The following GLYATL2 variants were observed in gnomAD, a reference collection of about 807,000 sequenced individuals.
GLYATL2 encodes glycine-N-acyltransferase like 2, also known as glycine N-acyltransferase-like protein 2.
A neutral mutation model predicts 21.4 loss-of-function variants in GLYATL2; 25 were observed. The ratio of observed to expected loss-of-function variants is 1.17; its 90% CI spans 0.85 to 1.63. The LOEUF is 1.63. Among genes scored for constraint, GLYATL2 ranks in the 40% most tolerant of loss-of-function variants. The pLI is 0.00. For missense variants in GLYATL2, 361 were observed against 343.3 expected, an observed-to-expected ratio of 1.05 and a Z score of -0.41; for synonymous variants, 114 against 118.2, an observed-to-expected ratio of 0.96 and a Z score of 0.23.
In GLYATL2 at chr11:58,834,390, T is replaced by C; in HGVS notation, c.*39A>G. On this transcript the variant is annotated 3_prime_UTR_variant, in exon 6 of 6. Transcript: ENST00000287275. ...TGCTTGTGTTTGAATTAATGTTTTT[T>C]TACTGATAAGAAAGATTTGAAATGG... 1 of 1,499,160 alleles carries C rather than the reference T, an allele frequency of 6.7e-7. No homozygotes were observed. The allele number at this position is 1,499,160 out of a possible 1,614,324, so 92.9% of individuals were successfully genotyped here.
At chr11:58,863,073 C>T (rs1196543384) in intron 1 of GLYATL2, among the ~76,000 whole-genome samples, 1 of 152,106 alleles carries the variant, frequency 6.6e-6, no homozygotes, top group Non-Finnish European at 1.5e-5. Flanking sequence ...TGGTGGTAGG[C>T]TTGGTTCCTG....
At chr11:58,869,193 C>A (rs592308) in intron 1 of GLYATL2, among the ~76,000 whole-genome samples, 134,851 of 152,278 alleles carry the variant, frequency 0.89, 60,916 homozygotes, top group Non-Finnish European at 0.98. Flanking sequence ...AGTGACTGTT[C>A]GCATGTGTCT....
chr11:58,856,442 C>T (rs1319383476), intron 1 of GLYATL2, among the ~76,000 whole-genome samples: 3 of 152,228 alleles, frequency 2.0e-5, no homozygotes, highest in Non-Finnish European at 4.4e-5. Context: ...GCATTCACAA[C>T]TTGGCTAACT....
chr11:58,899,296 G>A (rs541944420), intron 1 of GLYATL2, among the ~76,000 whole-genome samples: 4 of 152,072 alleles, frequency 2.6e-5, no homozygotes, highest in Non-Finnish European at 4.4e-5. Flanking sequence ...ACAGGGCAAA[G>A]CTGTCTCCCT....
chr11:58,882,532 G>T (rs548972462), intron 1 of GLYATL2, among the ~76,000 whole-genome samples: 4 of 152,248 alleles, frequency 2.6e-5, no homozygotes, highest in African/African-American at 9.6e-5. Flanking sequence ...TCTGTAGGTT[G>T]CCTGTTCGCT....
chr11:58,864,626 G>C (rs528708250), intron 1 of GLYATL2, among the ~76,000 whole-genome samples: 1 of 149,238 alleles, frequency 6.7e-6, no homozygotes, highest in Non-Finnish European at 1.5e-5. Context: ...CCTGTGGGTG[G>C]GGTGACACAG....
At chr11:58,839,265 T>C (rs1853500707) in intron 2 of GLYATL2, among the ~76,000 whole-genome samples, 1 of 152,110 alleles carries the variant, frequency 6.6e-6, no homozygotes, top group Non-Finnish European at 1.5e-5. Context: ...ACTAGGCTGT[T>C]AAGATTGGAG....
rs368809854 is a variant in GLYATL2 at position 58,896,239 on chromosome 11, G to T, written n.60+7917C>A. Among the ~76,000 whole-genome samples, 195 of 152,212 alleles carry T rather than the reference G, an allele frequency of 1.3e-3. 2 individuals are homozygous for T. The South Asian group carries it at 0.014, about 11-fold the overall frequency. On this transcript the variant is annotated intron_variant and non_coding_transcript_variant, in intron 1 of 4. Coordinates refer to the GLYATL2 transcript ENST00000533636. ...CCCATCTGCATAATAAAAGTTTGGG[G>T]TGGAATGGCCAGCCTCTTCATGCAT... is the stretch of plus-strand genomic sequence containing the variant.
rs376414479 is a variant in GLYATL2, at chr11:58,864,619, G to A, written n.61-26251C>T. Reference sequence around the variant, plus strand: ...TGCTCTGGTACCTGGTTCCATGCCTGTGGGTGGGGTGACACAGGTAATGTA... The same window carrying A: ...TGCTCTGGTACCTGGTTCCATGCCTATGGGTGGGGTGACACAGGTAATGTA... On this transcript the variant is annotated intron_variant and non_coding_transcript_variant, in intron 1 of 4. Transcript: ENST00000533636. Among the ~76,000 whole-genome samples the A allele has an allele frequency of 3.3e-5, 5 of 149,440 alleles. No individual in the cohort carries two copies. The South Asian group carries it at 1.1e-3, about 32-fold the overall frequency.
chr11:58,852,144 T>C (rs1388094364), intron 1 of GLYATL2, among the ~76,000 whole-genome samples: 4 of 152,222 alleles, frequency 2.6e-5, no homozygotes, highest in African/African-American at 4.8e-5. Context: ...TATTTATGAA[T>C]GTGTTTACTT....
rs529021206 is a variant in GLYATL2, at chr11:58,835,165, C to T, written c.477-328G>A. On this transcript the variant is annotated intron_variant, in intron 5 of 5. Transcript: ENST00000287275. ...GAATATAGGCCAGAGAAGCCCTCCA[C>T]ATGGCTGAATTTACTTGAAAGATGC... 1.1e-3 allele frequency among the ~76,000 whole-genome samples: 174 copies of T among 152,316 alleles called. 2 individuals carry two copies. Among genetic ancestry groups the T allele is most frequent in the African/African-American group, 3.9e-3 (160 of 41,552 alleles).
chr11:58,834,823 G>A lies in GLYATL2; in HGVS notation c.491C>T (p.Ser164Leu), dbSNP rs1418355370. 1 of 1,588,432 alleles carries A rather than the reference G, an allele frequency of 6.3e-7. No homozygotes were observed. The highest frequency in any genetic ancestry group is 1.2e-5 in the South Asian group (1 of 86,314). ...VDDDNKEGNF[S>L]NMFLDASHAG... ...ATGTGAAGCATCTAAGAACATGTTT[G>A]AAAAGTTTCCTTCCCTGTGAAGAAA... The change falls in exon 6 of 6, where the codon TCA (serine) becomes TTA (leucine). Residue 164 changes from serine (S) to leucine (L), a missense_variant. By Grantham distance (145) the Ser-to-Leu change is moderately radical (BLOSUM62 -2). Coordinates refer to ENST00000287275, the MANE Select transcript of GLYATL2 (RefSeq NM_145016.4).
At chr11:58,851,391 G>T (rs187957208) in intron 1 of GLYATL2, among the ~76,000 whole-genome samples, 1 of 152,058 alleles carries the variant, frequency 6.6e-6, no homozygotes, top group African/African-American at 2.4e-5. Context: ...GTATCGCACT[G>T]GTTGATTTGC....
At chr11:58,876,396 C>G (rs970972133) in intron 1 of GLYATL2, among the ~76,000 whole-genome samples, 1 of 152,178 alleles carries the variant, frequency 6.6e-6, no homozygotes, top group Non-Finnish European at 1.5e-5. Flanking sequence ...TTTTTCTGCT[C>G]TGTTTTTCCC....
chr11:58,879,448 T>C (rs1020273954), intron 1 of GLYATL2, among the ~76,000 whole-genome samples: 1 of 152,248 alleles, frequency 6.6e-6, no homozygotes, highest in Non-Finnish European at 1.5e-5. Flanking sequence ...ATTTACTAAC[T>C]GTCATTCACA....
rs1853428924 is a variant in GLYATL2, at chr11:58,836,238, A to C, written c.476+777T>G. Among the ~76,000 whole-genome samples the C allele has an allele frequency of 2.0e-5, 3 of 152,030 alleles. No homozygotes were observed. In the South Asian group the frequency reaches 6.2e-4, roughly 31 times the overall value. On this transcript the variant is annotated intron_variant, in intron 5 of 5. Transcript: ENST00000287275. ...TGTTCTATCCACCTTATTTTTTTTC[A>C]TGTAGCAATCTATTTTGGAAATATT...
chr11:58,834,468 G>C lies in GLYATL2; in HGVS notation c.846C>G (p.Gly282=). 6.2e-7 allele frequency: 1 copy of C among 1,605,370 alleles called. No individual in the cohort carries two copies. Among genetic ancestry groups the C allele is most frequent in the Non-Finnish European group, 8.5e-7 (1 of 1,175,944 alleles). Residue 282 remains glycine, a synonymous_variant, in exon 6 of 6, where the codon GGC becomes GGG. Coordinates refer to ENST00000287275, the MANE Select transcript of GLYATL2 (RefSeq NM_145016.4). ...TGGGGGTGCATTTCCACTGATGCCA[G>C]CCACAAGGACAAATCTTAAACCCCA... ...NNLGFKICPC[G]WHQWKCTPKK... is the part of the protein sequence containing the mutation.
At chr11:58,871,853 T>C (rs1031724437) in intron 1 of GLYATL2, among the ~76,000 whole-genome samples, 31 of 152,298 alleles carry the variant, frequency 2.0e-4, no homozygotes, top group African/African-American at 7.0e-4. Context: ...CCTGAGGAAT[T>C]GCCACACTGT....
In GLYATL2 at chr11:58,837,174, C is replaced by G; in HGVS notation, c.317G>C (p.Cys106Ser). ...SWEQTLQIQGCQEGLDEAIRK... is the reference protein window; with the variant it reads ...SWEQTLQIQGSQEGLDEAIRK... Reference sequence around the variant, plus strand: ...TATTGCTTCATCCAAGCCCTCTTGGCAACCTGGAGAAAGGAGAAAGACAAG... The same window carrying G: ...TATTGCTTCATCCAAGCCCTCTTGGGAACCTGGAGAAAGGAGAAAGACAAG... The change falls in exon 5 of 6, where the codon TGC (cysteine) becomes TCC (serine). Residue 106 changes from cysteine (C) to serine (S), a missense_variant. Physicochemically the swap from Cys to Ser is moderately radical, Grantham distance 112. Transcript: ENST00000287275. 2 of 1,613,436 alleles carry G rather than the reference C, an allele frequency of 1.2e-6. No homozygotes were observed. Among genetic ancestry groups the G allele is most frequent in the Non-Finnish European group, 1.7e-6 (2 of 1,179,730 alleles).
Sources: allele counts gnomAD v4.1 joint callset (sites outside exome capture counted in the v4.1 genomes callset), GRCh38; gene constraint gnomAD v4.1.1; transcripts MANE v1.5; gene names NCBI Gene and HGNC (gene_info 2026-07-23, HGNC 2026-07-21).